The following CKAP2 variants were observed in gnomAD, a reference collection of about 807,000 sequenced individuals.
CKAP2 encodes cytoskeleton-associated protein 2.
Under a neutral mutation model 58.4 loss-of-function variants are expected in CKAP2, and 46 were observed. The observed-to-expected ratio is 0.79, with a 90% confidence interval of 0.62 to 1.01. CKAP2 has a LOEUF of 1.01. CKAP2 is among the 50% of genes least tolerant of loss of function. CKAP2 has a pLI of 0.00. For synonymous variants in CKAP2, 293 were observed against 280.9 expected (o/e 1.04, Z -0.43); for missense variants, 809 against 796.4 (o/e 1.02, Z -0.19).
chr13:52,458,227 TG>T (rs1241400348), intron 2 of CKAP2, among the ~76,000 whole-genome samples: 1 of 152,084 alleles, frequency 6.6e-6, no homozygotes, highest in Non-Finnish European at 1.5e-5. Flanking sequence ...AAGGAGGAGC[TG>T]GGGAATTAGG....
intron 6 of CKAP2, among the ~76,000 whole-genome samples, chr13:52,466,002 TA>T (rs1391997837): frequency 6.6e-6 from 1 of 151,782 alleles, no homozygotes; most frequent in Admixed American, 6.6e-5. Flanking sequence ...CACACATATA[TA>T]TACACACATA....
Position 52,460,777 on chromosome 13 carries a change from C to A in CKAP2, c.156-122C>A, listed in dbSNP as rs531826896. On this transcript the variant is annotated intron_variant, in intron 2 of 8. Coordinates refer to ENST00000258607, the MANE Select transcript of CKAP2 (RefSeq NM_018204.5). Reference sequence around the variant, plus strand: ...GCTTAGGACAAATTTCAACTCAGGTCTTTTTTAAATTTAAAATTAGTAAGT... The same window carrying A: ...GCTTAGGACAAATTTCAACTCAGGTATTTTTTAAATTTAAAATTAGTAAGT... 24 of 777,734 alleles carry A rather than the reference C, an allele frequency of 3.1e-5. No homozygotes were observed. In the East Asian group the frequency reaches 7.3e-4, roughly 24 times the overall value. The allele number at this position is 777,734 out of a possible 1,614,324, so 48.2% of individuals were successfully genotyped here. A position where few individuals can be genotyped will look rare whatever the true frequency, so the allele number is the denominator to read the frequency against.
At chr13:52,463,592 A>G in intron 5 of CKAP2, among the ~76,000 whole-genome samples, 1 of 152,212 alleles carries the variant, frequency 6.6e-6, no homozygotes, top group East Asian at 1.9e-4. Context: ...AAACAGCAGC[A>G]CGTTTTCAAT....
At chr13:52,458,154 C>G (rs1351064664) in intron 2 of CKAP2, among the ~76,000 whole-genome samples, 3 of 151,952 alleles carry the variant, frequency 2.0e-5, no homozygotes, top group African/African-American at 7.2e-5. Flanking sequence ...AAAGGTGATC[C>G]TAGGTTTTTT....
chr13:52,467,745 C>A (rs765073702), intron 6 of CKAP2, among the ~76,000 whole-genome samples: 1 of 151,612 alleles, frequency 6.6e-6, no homozygotes, highest in Non-Finnish European at 1.5e-5. Context: ...GAAATTCTAT[C>A]CTTCATTTTT....
chr13:52,465,966 TAC>T (rs1958668161), intron 6 of CKAP2: 1 of 270,644 alleles, frequency 3.7e-6, no homozygotes, highest in Non-Finnish European at 7.3e-6. Flanking sequence ...CACACATATA[TAC>T]ACACATATAT....
chr13:52,472,933 C>T (rs1197726346), intron 7 of CKAP2, among the ~76,000 whole-genome samples: 2 of 152,026 alleles, frequency 1.3e-5, no homozygotes, highest in African/African-American at 4.8e-5. Context: ...GGCCCAGCTA[C>T]TTGGGAGGCT....
intron 6 of CKAP2, among the ~76,000 whole-genome samples, chr13:52,466,359 G>T (rs1322216649): frequency 6.6e-6 from 1 of 152,158 alleles, no homozygotes; most frequent in African/African-American, 2.4e-5. Context: ...TTTTAAGAAA[G>T]ATCTATTCAC....
chr13:52,460,446 T>G (rs1051712973), intron 2 of CKAP2, among the ~76,000 whole-genome samples: 1 of 151,674 alleles, frequency 6.6e-6, no homozygotes, highest in Non-Finnish European at 1.5e-5. Flanking sequence ...AGCCATTTGT[T>G]TACACTATTT....
chr13:52,473,187 C>T (rs898719389), intron 7 of CKAP2, among the ~76,000 whole-genome samples: 4 of 152,302 alleles, frequency 2.6e-5, no homozygotes, highest in African/African-American at 9.6e-5. Context: ...TCATTCTCTG[C>T]CATTCTAGAC....
intron 2 of CKAP2, among the ~76,000 whole-genome samples, chr13:52,458,427 A>G (rs1958520624): frequency 6.6e-6 from 1 of 152,248 alleles, no homozygotes; most frequent in Admixed American, 6.5e-5. Context: ...AGTAGAGATA[A>G]TATGGATTCA....
chr13:52,455,862 C>G (rs926754330), intron 1 of CKAP2: 2 of 920,356 alleles, frequency 2.2e-6, no homozygotes, highest in East Asian at 3.9e-5. Context: ...ATGGGCCCTC[C>G]TAAGAAGGAA....
At chr13:52,474,856 A>G (rs748920517) in intron 8 of CKAP2, 39 bp from the exon 9 acceptor site, 1 of 1,586,392 alleles carries the variant, frequency 6.3e-7, no homozygotes, top group Non-Finnish European at 8.6e-7. Flanking sequence ...AAAAATGTTA[A>G]CATGTTTTTG....
chr13:52,463,365 C>A (rs1369987993), intron 5 of CKAP2, among the ~76,000 whole-genome samples: 1 of 152,208 alleles, frequency 6.6e-6, no homozygotes, highest in African/African-American at 2.4e-5. Flanking sequence ...TTGTCAGCCA[C>A]CCATGGGACA....
At chr13:52,474,847 A>G in intron 8 of CKAP2, 48 bp from the exon 9 acceptor site, 1 of 1,570,216 alleles carries the variant, frequency 6.4e-7, no homozygotes, top group Non-Finnish European at 8.7e-7. Flanking sequence ...GTACAGAGTA[A>G]AAATGTTAAC....
At chr13:52,456,008 A>C (rs1324898912) in intron 1 of CKAP2, 1 of 1,062,704 alleles carries the variant, frequency 9.4e-7, no homozygotes, top group East Asian at 7.3e-5. Context: ...TTAGGTCCCT[A>C]GCGAATTTCT....
chr13:52,474,624 T>G (rs1240347045), intron 8 of CKAP2, among the ~76,000 whole-genome samples: 1 of 152,244 alleles, frequency 6.6e-6, no homozygotes, highest in Non-Finnish European at 1.5e-5. Context: ...TTTACTTTAA[T>G]CTGTGTGTTA....
intron 7 of CKAP2, among the ~76,000 whole-genome samples, chr13:52,471,053 G>A (rs2137869437): frequency 6.6e-6 from 1 of 152,232 alleles, no homozygotes; most frequent in Admixed American, 6.5e-5. Flanking sequence ...AGCTACTCGG[G>A]GGGCTGAGGC....
In CKAP2 at chr13:52,461,534, T is replaced by G; in HGVS notation, c.708T>G (p.Thr236=). The G allele has an allele frequency of 6.2e-7, 1 of 1,614,172 alleles. No individual in the cohort carries two copies. The highest frequency in any genetic ancestry group is 8.5e-7 in the Non-Finnish European group (1 of 1,180,042). Residue 236 remains threonine, a synonymous_variant, in exon 4 of 9, where the codon ACT becomes ACG. Transcript: ENST00000258607. ...TVKSNRSSNM[T]ATTKFVSTTS... ...AAAGTAATAGATCCTCCAATATGAC[T>G]GCCACTACTAAATTTGTGAGCACTA...
Sources: gnomAD v4.1 joint callset for allele counts (sites outside exome capture counted in the v4.1 genomes callset) on GRCh38, gnomAD v4.1.1 for gene constraint, MANE v1.5 for transcripts, NCBI Gene and HGNC (gene_info 2026-07-23, HGNC 2026-07-21) for gene names.